The following TPST1 variants were observed in gnomAD, a reference collection of about 807,000 sequenced individuals.
TPST1 encodes protein-tyrosine sulfotransferase 1.
Under a neutral mutation model 34.8 loss-of-function variants are expected in TPST1, and 20 were observed. The ratio of observed to expected loss-of-function variants is 0.57; its 90% CI spans 0.40 to 0.84. The LOEUF (loss-of-function observed/expected upper bound fraction) is 0.84, where lower values mean the gene tolerates loss of function less well. Ranked by LOEUF, TPST1 falls within the 40% of genes least tolerant of loss-of-function variation. The pLI is 0.00. For missense variants in TPST1, 353 were observed against 455.5 expected (o/e 0.78, Z 2.05); for synonymous variants, 152 against 159.4 (o/e 0.95, Z 0.35).
chr7:66,224,512 C>A (rs1484510860), intron 1 of TPST1, among the ~76,000 whole-genome samples: 2 of 152,168 alleles, frequency 1.3e-5, no homozygotes, highest in Non-Finnish European at 2.9e-5. Flanking sequence ...ATGTCCCCAG[C>A]ATCTCTTTGG....
chr7:66,203,475 C>T (rs1415730960), upstream of TPST1, among the ~76,000 whole-genome samples: 1 of 149,848 alleles, frequency 6.7e-6, no homozygotes, highest in Non-Finnish European at 1.5e-5. Flanking sequence ...ATGAGGTCCA[C>T]ACAAAAACTT....
chr7:66,240,881 A>G lies in TPST1; in HGVS notation c.456A>G (p.Pro152=). 1 of 1,614,204 alleles carries G rather than the reference A, an allele frequency of 6.2e-7. No homozygotes were observed. Among genetic ancestry groups the G allele is most frequent in the South Asian group, 1.1e-5 (1 of 91,090 alleles). The change falls in exon 2 of 6, where the codon CCA becomes CCG. Residue 152 remains proline, a synonymous_variant. Coordinates refer to ENST00000304842, the MANE Select transcript of TPST1 (RefSeq NM_003596.4). The stretch of plus-strand genomic sequence containing the variant: ...AAATTATCGTTAAGCATGGGGAGCC[A>G]GCCCCTTATTTATGTAATAAAGATC... ...LLEIIVKHGE[P]APYLCNKDPF...
chr7:66,353,357 T>G (rs1202264204), intron 4 of TPST1, among the ~76,000 whole-genome samples: 1 of 152,066 alleles, frequency 6.6e-6, no homozygotes, highest in Non-Finnish European at 1.5e-5. Flanking sequence ...TGGTCCCAGC[T>G]ACTTGGGAGG....
chr7:66,251,350 G>A (rs1790257843), intron 2 of TPST1, among the ~76,000 whole-genome samples: 1 of 152,080 alleles, frequency 6.6e-6, no homozygotes, highest in South Asian at 2.1e-4. Flanking sequence ...ATAGCACCTG[G>A]CACATAGAAA....
intron 1 of TPST1, among the ~76,000 whole-genome samples, chr7:66,238,062 G>A (rs1459303524): frequency 1.3e-5 from 2 of 152,198 alleles, no homozygotes; most frequent in South Asian, 2.1e-4. Flanking sequence ...GAAGATGTAA[G>A]TGATTAACTT....
At chr7:66,229,331 C>T (rs1053070518) in intron 1 of TPST1, among the ~76,000 whole-genome samples, 1 of 152,228 alleles carries the variant, frequency 6.6e-6, no homozygotes, top group Non-Finnish European at 1.5e-5. Flanking sequence ...AGGATGGTCT[C>T]GATCTCCTGA....
intron 5 of TPST1, chr7:66,359,029 A>G (rs1230369968): frequency 6.6e-6 from 1 of 152,296 alleles, no homozygotes; most frequent in Non-Finnish European, 1.5e-5. Flanking sequence ...TGGCATTTCA[A>G]TAACAGTATC....
At chr7:66,262,759 A>C (rs1043850748) in intron 2 of TPST1, among the ~76,000 whole-genome samples, 8 of 152,112 alleles carry the variant, frequency 5.3e-5, no homozygotes, top group African/African-American at 1.9e-4. Flanking sequence ...GGAAGGGGGA[A>C]TCTGCTTGCT....
chr7:66,269,935 C>T (rs1218601197), intron 2 of TPST1, among the ~76,000 whole-genome samples: 2 of 151,024 alleles, frequency 1.3e-5, no homozygotes, highest in Non-Finnish European at 2.9e-5. Flanking sequence ...GGGGGCAATA[C>T]AAAAAACATG....
intron 1 of TPST1, among the ~76,000 whole-genome samples, chr7:66,224,770 G>A (rs575425961): frequency 6.6e-6 from 1 of 152,124 alleles, no homozygotes; most frequent in African/African-American, 2.4e-5. Context: ...TTATTTCTAG[G>A]AGTCTATTTC....
At chr7:66,322,049 G>GA (rs1052831898) in intron 3 of TPST1, among the ~76,000 whole-genome samples, 4 of 152,160 alleles carry the variant, frequency 2.6e-5, no homozygotes, top group African/African-American at 7.2e-5. Flanking sequence ...GCTGTCTTTT[G>GA]AAAAATAGAA....
chr7:66,351,947 AT>A lies in TPST1; in HGVS notation c.1045-553del, dbSNP rs1356441325. Among the ~76,000 whole-genome samples the A allele has an allele frequency of 2.1e-4, 32 of 152,304 alleles. No homozygotes were observed. The South Asian group carries it at 5.4e-3, about 26-fold the overall frequency. On this transcript the variant is annotated intron_variant, in intron 3 of 5. Transcript: ENST00000304842. ...CCTAATTATTGCATGTATTAGAAACATTTTTATATATTAAAGCATAGGTTTT... is the reference window on the plus strand; with the variant it reads ...CCTAATTATTGCATGTATTAGAAACATTTTATATATTAAAGCATAGGTTTT...
intron 3 of TPST1, among the ~76,000 whole-genome samples, chr7:66,296,250 C>CG: frequency 2.1e-5 from 1 of 48,488 alleles, no homozygotes; most frequent in African/African-American, 1.0e-4. Flanking sequence ...CCACCCTTCC[C>CG]CCCCCCCTCC....
intron 2 of TPST1, among the ~76,000 whole-genome samples, chr7:66,275,086 T>C (rs964668038): frequency 1.3e-5 from 2 of 151,598 alleles, no homozygotes; most frequent in Non-Finnish European, 2.9e-5. Flanking sequence ...CCCAGCTACT[T>C]GGGAGGCTGA....
intron 2 of TPST1, among the ~76,000 whole-genome samples, chr7:66,262,655 T>C (rs778844556): frequency 1.3e-5 from 2 of 152,172 alleles, no homozygotes; most frequent in Non-Finnish European, 2.9e-5. Context: ...CACTGTTCTC[T>C]TCTCCTGTCA....
At chr7:66,294,724 CTTT>C (rs1429074760) in intron 3 of TPST1, among the ~76,000 whole-genome samples, 1 of 151,476 alleles carries the variant, frequency 6.6e-6, no homozygotes, top group Non-Finnish European at 1.5e-5. Context: ...ACATATTATT[CTTT>C]TTTATTTTCT....
At chr7:66,326,324 A>T (rs769711710) in intron 3 of TPST1, among the ~76,000 whole-genome samples, 4 of 152,174 alleles carry the variant, frequency 2.6e-5, no homozygotes, top group African/African-American at 4.8e-5. Context: ...GGGCATTCAG[A>T]ATGCCCTGTG....
intron 3 of TPST1, among the ~76,000 whole-genome samples, chr7:66,303,484 A>G (rs989469498): frequency 9.9e-5 from 15 of 151,976 alleles, no homozygotes; most frequent in African/African-American, 3.6e-4. Context: ...ATCTCTGCTC[A>G]CTGCAACCCC....
At chr7:66,255,856 C>A (rs1327751584) in intron 2 of TPST1, among the ~76,000 whole-genome samples, 8 of 151,564 alleles carry the variant, frequency 5.3e-5, no homozygotes, top group East Asian at 2.0e-4. Flanking sequence ...AAAAAAAAAA[C>A]CAACTAGATT....
Sources: gnomAD v4.1 joint callset for allele counts (sites outside exome capture counted in the v4.1 genomes callset) on GRCh38, gnomAD v4.1.1 for gene constraint, MANE v1.5 for transcripts, NCBI Gene and HGNC (gene_info 2026-07-23, HGNC 2026-07-21) for gene names.